The following LIPH variants were observed in gnomAD, a reference collection of about 807,000 sequenced individuals.
LIPH encodes lipase member H.
Under a neutral mutation model 47.6 loss-of-function variants are expected in LIPH, and 32 were observed. That is an observed-to-expected ratio of 0.67 (90% CI 0.51 to 0.90). LIPH has a LOEUF of 0.90. Among genes scored for constraint, LIPH ranks in the 40% least tolerant of loss-of-function variants. The pLI is 0.00. For synonymous variants in LIPH, 190 were observed against 195.6 expected, an observed-to-expected ratio of 0.97 and a Z score of 0.24; for missense variants, 497 against 541.4, an observed-to-expected ratio of 0.92 and a Z score of 0.81.
At chr3:185,542,004 G>A (rs780121445) in intron 1 of LIPH, among the ~76,000 whole-genome samples, 34 of 151,834 alleles carry the variant, frequency 2.2e-4, no homozygotes, top group African/African-American at 8.2e-4. Flanking sequence ...TGATCTGCCC[G>A]CCTCAGCCTC....
At chr3:185,539,216 C>T (rs1720623761) in intron 1 of LIPH, among the ~76,000 whole-genome samples, 1 of 151,926 alleles carries the variant, frequency 6.6e-6, no homozygotes, top group Non-Finnish European at 1.5e-5. Context: ...ATCCTCCCAC[C>T]TCAGCCTCCC....
intron 4 of LIPH, 139 bp from the exon 5 acceptor site, chr3:185,524,299 C>T: frequency 1.5e-6 from 1 of 655,644 alleles, no homozygotes; most frequent in Non-Finnish European, 2.8e-6. Flanking sequence ...GAGTTTTGCC[C>T]AAAGTCACCC....
Position 185,517,137 on chromosome 3 carries a change from G to A in LIPH, c.912C>T (p.Asp304=), listed in dbSNP as rs372786982. ...LLGYYADNWK[D]HLRGKDPPMT... Reference sequence around the variant, plus strand: ...TTGGAGGATCTTTCCCCCTTAGATGGTCTTTCCAATTATCAGCATAATAGC... The same window carrying A: ...TTGGAGGATCTTTCCCCCTTAGATGATCTTTCCAATTATCAGCATAATAGC... The change falls in exon 7 of 10, where the codon GAC becomes GAT. Residue 304 remains aspartate, a synonymous_variant. Coordinates refer to ENST00000296252, the MANE Select transcript of LIPH (RefSeq NM_139248.3). The A allele has an allele frequency of 3.7e-6, 6 of 1,608,410 alleles. No homozygotes were observed. The highest frequency in any genetic ancestry group is 5.1e-6 in the Non-Finnish European group (6 of 1,174,826).
At chr3:185,526,570 A>G (rs1490305696) in intron 4 of LIPH, among the ~76,000 whole-genome samples, 8 of 133,152 alleles carry the variant, frequency 6.0e-5, no homozygotes, top group Non-Finnish European at 1.1e-4. Context: ...AAGATAAAAT[A>G]AAATAAAAAT....
In LIPH at chr3:185,519,261, A is replaced by T; in HGVS notation, c.767T>A (p.Leu256Gln). ...GGTGCAGCTCTCTCTCAGGGAAGAC[A>T]GGTACAGGTATACAGACCTCTGGTG... is the stretch of plus-strand genomic sequence containing the variant. The part of the protein sequence containing the change: ...CDHQRSVYLY[L>Q]SSLRESCTIT... Residue 256 changes from leucine to glutamine, a missense_variant, in exon 6 of 10, where the codon CTG (leucine) becomes CAG (glutamine). By Grantham distance (113) the Leu-to-Gln change is moderately radical (BLOSUM62 -2). Coordinates refer to ENST00000296252, the MANE Select transcript of LIPH (RefSeq NM_139248.3). 5 of 1,613,022 alleles carry T rather than the reference A, an allele frequency of 3.1e-6. No individual in the cohort carries two copies. The highest frequency in any genetic ancestry group is 4.2e-6 in the Non-Finnish European group (5 of 1,178,982).
rs1239635519 is a variant in LIPH at position 185,514,458 on chromosome 3, A to T, written c.1046T>A (p.Ile349Asn). ...GTTTCCAGCTTTGTCTCTCAATTTG[A>T]TGGTAATGTCCCCTCTTCTTACATT... ...NKNVRRGDITIKLRDKAGNTT... is the reference protein window; with the variant it reads ...NKNVRRGDITNKLRDKAGNTT... The change falls in exon 8 of 10, where the codon ATC becomes AAC. Residue 349 changes from isoleucine (I) to asparagine (N), a missense_variant. Transcript: ENST00000296252. 31 of 1,590,076 alleles carry T rather than the reference A, an allele frequency of 1.9e-5. No individual in the cohort carries two copies. In the Admixed American group the frequency reaches 5.0e-4, roughly 26 times the overall value.
chr3:185,515,981 A>T (rs79400328), intron 7 of LIPH, among the ~76,000 whole-genome samples: 4,045 of 152,230 alleles, frequency 0.027, 82 homozygotes, highest in Middle Eastern at 0.065. Context: ...AACAAAAAAA[A>T]CAGTTAGCTG....
At chr3:185,525,996 C>T (rs1720056005) in intron 4 of LIPH, among the ~76,000 whole-genome samples, 1 of 152,122 alleles carries the variant, frequency 6.6e-6, no homozygotes, top group Admixed American at 6.5e-5. Flanking sequence ...GCTCTTCTCC[C>T]AGACATCTGG....
chr3:185,523,825 A>G (rs1318572711), intron 5 of LIPH, among the ~76,000 whole-genome samples: 2 of 151,854 alleles, frequency 1.3e-5, no homozygotes, highest in Non-Finnish European at 2.9e-5. Flanking sequence ...CAGGTTCAAG[A>G]GATTCTCTTG....
rs1721080839 is a variant in LIPH, at chr3:185,552,508, A to T, written c.-37T>A. The T allele has an allele frequency of 7.0e-7, 1 of 1,438,534 alleles. No individual in the cohort carries two copies. The highest frequency in any genetic ancestry group is 9.8e-7 in the Non-Finnish European group (1 of 1,020,216). 89.1% of individuals were successfully genotyped at this position (1,438,534 alleles called of 1,614,324 possible). Reference sequence around the variant, plus strand: ...AGAGATCGTGTGTCACATTCACAAGAATGATTTACTTCGCAGAGGCTTAAG... The same window carrying T: ...AGAGATCGTGTGTCACATTCACAAGTATGATTTACTTCGCAGAGGCTTAAG... On this transcript the variant is annotated 5_prime_UTR_variant, in exon 1 of 10. Transcript: ENST00000296252.
intron 1 of LIPH, among the ~76,000 whole-genome samples, chr3:185,551,792 G>T (rs1310920250): frequency 6.6e-6 from 1 of 151,982 alleles, no homozygotes; most frequent in African/African-American, 2.4e-5. Context: ...ACCTAAAAAG[G>T]TTGCAAAGTG....
intron 1 of LIPH, among the ~76,000 whole-genome samples, chr3:185,551,906 T>G (rs760357303): frequency 1.8e-4 from 27 of 152,088 alleles, no homozygotes; most frequent in Non-Finnish European, 3.5e-4. Flanking sequence ...ATTTTTAAGT[T>G]ATAAGAATGC....
intron 1 of LIPH, among the ~76,000 whole-genome samples, chr3:185,538,972 TTTTTA>T (rs1720616520): frequency 6.7e-6 from 1 of 150,084 alleles, no homozygotes; most frequent in African/African-American, 2.4e-5. Context: ...TATATATTTT[TTTTTA>T]TTTTATTTTT....
intron 9 of LIPH, among the ~76,000 whole-genome samples, chr3:185,509,480 A>G (rs1198805103): frequency 6.6e-6 from 1 of 151,926 alleles, no homozygotes; most frequent in Non-Finnish European, 1.5e-5. Context: ...AATACAAAAA[A>G]TTAGCTGGGC....
chr3:185,520,474 G>A (rs910378550), intron 5 of LIPH, among the ~76,000 whole-genome samples: 18 of 151,370 alleles, frequency 1.2e-4, no homozygotes, highest in Non-Finnish European at 2.5e-4. Flanking sequence ...CCGAGATCGA[G>A]CCACTGCACT....
At position 185,519,836 on chromosome 3, in the gene LIPH, C is replaced by CA. The variant is rs145391972; in HGVS notation, c.719-528dup. ...TGGGCAACAGAGTGACACTCCATCT[C>CA]AAAAAAAAAAAAAAAAAAAAAAAAA... is the stretch of plus-strand genomic sequence containing the variant. On this transcript the variant is annotated intron_variant, in intron 5 of 9. Coordinates refer to ENST00000296252, the MANE Select transcript of LIPH (RefSeq NM_139248.3). Among the ~76,000 whole-genome samples the CA allele has an allele frequency of 1.4e-3, 77 of 53,832 alleles. 4 individuals are homozygous for CA. Among genetic ancestry groups the CA allele is most frequent in the African/African-American group, 6.0e-3 (73 of 12,180 alleles). The allele number at this position is 53,832 out of a possible 152,430, so 35.3% of individuals were successfully genotyped here. A position where few individuals can be genotyped will look rare whatever the true frequency, so the allele number is the denominator to read the frequency against.
rs558712987 is a variant in LIPH, at chr3:185,543,210, A to AAAAT, written c.50-8082_50-8079dup. ...GGCAACAGAGCAAGACTCCATCTCA[A>AAAAT]AAATAAATAAATAAATAAATAAATA... On this transcript the variant is annotated intron_variant, in intron 1 of 9. Transcript: ENST00000296252. 3.0e-3 allele frequency among the ~76,000 whole-genome samples: 451 copies of AAAAT among 152,176 alleles called. 1 individual carries two copies. The highest frequency in any genetic ancestry group is 5.8e-3 in the African/African-American group (241 of 41,532).
chr3:185,531,954 G>A (rs1237802127), intron 3 of LIPH, among the ~76,000 whole-genome samples: 2 of 151,998 alleles, frequency 1.3e-5, no homozygotes, highest in South Asian at 2.1e-4. Flanking sequence ...ATTCTTCTGC[G>A]TTGGCCTCCC....
In LIPH at chr3:185,510,295, A is replaced by T. The variant is rs375056302; in HGVS notation, c.1268+1229T>A. Among the ~76,000 whole-genome samples the T allele has an allele frequency of 5.3e-5, 8 of 152,254 alleles. 1 individual carries two copies. The South Asian group carries it at 1.7e-3, about 32-fold the overall frequency. On this transcript the variant is annotated intron_variant, in intron 9 of 9. Coordinates refer to ENST00000296252, the MANE Select transcript of LIPH (RefSeq NM_139248.3). ...AATTCACAAAGTACTAACTACTCAC[A>T]TCATTTCCTGTCTCCCTCTCTGTCC...
Sources: gnomAD v4.1 joint callset for allele counts (sites outside exome capture counted in the v4.1 genomes callset) on GRCh38, gnomAD v4.1.1 for gene constraint, MANE v1.5 for transcripts, NCBI Gene and HGNC (gene_info 2026-07-23, HGNC 2026-07-21) for gene names.